Variants in PITPNM2 observed in about 807,000 individuals in gnomAD.
The protein encoded by PITPNM2 is membrane-associated phosphatidylinositol transfer protein 2.
PITPNM2 carries 35 observed loss-of-function variants against 132.2 expected under a neutral mutation model. The ratio of observed to expected loss-of-function variants is 0.26; its 90% confidence interval spans 0.20 to 0.35. The LOEUF (loss-of-function observed/expected upper bound fraction) is 0.35, where lower values mean the gene tolerates loss of function less well. Among genes scored for constraint, PITPNM2 ranks in the 10% least tolerant of loss-of-function variants. The pLI is 1.00. For synonymous variants in PITPNM2, 738 were observed against 799.2 expected (o/e 0.92, Z 1.29); for missense variants, 1,332 against 1,912.0 (o/e 0.70, Z 5.66).
rs1008621811 is a variant in PITPNM2 at position 123,082,427 on chromosome 12, A to G, written c.-96+27958T>C. 2.0e-5 allele frequency among the ~76,000 whole-genome samples: 3 copies of G among 152,078 alleles called. No homozygotes were observed. Among genetic ancestry groups the G allele is most frequent in the Admixed American group, 1.3e-4 (2 of 15,260 alleles). On this transcript the variant is annotated intron_variant, in intron 2 of 25. Coordinates refer to ENST00000320201, the MANE Select transcript of PITPNM2 (RefSeq NM_020845.3). This position sits in a 1 kb window ranked among gnomAD's most constrained non-coding sequence, Gnocchi z 5.4. The stretch of plus-strand genomic sequence containing the variant: ...TTAAAAATTGTACATGTAACATAAA[A>G]TTTACCATCTTAGCCATTTCTTTAT...
At chr12:123,046,747 G>A (rs1018221552) in intron 2 of PITPNM2, among the ~76,000 whole-genome samples, 4 of 151,902 alleles carry the variant, frequency 2.6e-5, no homozygotes, top group Non-Finnish European at 5.9e-5. Flanking sequence ...TGAGGTTCAT[G>A]TTGTAGCATT....
chr12:123,090,545 G>C (rs1190184537), intron 2 of PITPNM2: 1 of 143,614 alleles, frequency 7.0e-6, no homozygotes, highest in Non-Finnish European at 1.5e-5. Flanking sequence ...TTTTTTTTTT[G>C]TATTTTTAGT....
intron 16 of PITPNM2, chr12:122,991,797 C>T: frequency 7.7e-6 from 10 of 1,299,316 alleles, no homozygotes; most frequent in Admixed American, 3.1e-5. Flanking sequence ...CAGGTGGGCG[C>T]GGGAACAGGC....
At chr12:123,134,716 T>C (rs894492544) in intron 1 of PITPNM2, among the ~76,000 whole-genome samples, 3 of 152,140 alleles carry the variant, frequency 2.0e-5, no homozygotes, top group African/African-American at 7.2e-5. Flanking sequence ...CAAAAGCCTA[T>C]TTAACTCCAA....
At chr12:123,121,745 A>C (rs767224258) in intron 1 of PITPNM2, among the ~76,000 whole-genome samples, 1 of 151,754 alleles carries the variant, frequency 6.6e-6, no homozygotes, top group Non-Finnish European at 1.5e-5. Flanking sequence ...GGAAAGGTCT[A>C]TGTTGTCCAG....
At chr12:123,042,545 A>C (rs1407062082) in intron 2 of PITPNM2, among the ~76,000 whole-genome samples, 1 of 152,186 alleles carries the variant, frequency 6.6e-6, no homozygotes, top group Non-Finnish European at 1.5e-5. Context: ...TAAGTCTGGA[A>C]GCTACTCCAA....
Position 123,000,561 on chromosome 12 carries a change from G to C in PITPNM2, c.1224+217C>G, listed in dbSNP as rs2038615039. ...TCTCAGGGGTTGTCTGTAGTCCCTGGTTCTCGGGGACCTCAGAGACAGAGG... is the reference window on the plus strand; with the variant it reads ...TCTCAGGGGTTGTCTGTAGTCCCTGCTTCTCGGGGACCTCAGAGACAGAGG... On this transcript the variant is annotated intron_variant, in intron 10 of 25. Coordinates refer to ENST00000320201, the MANE Select transcript of PITPNM2 (RefSeq NM_020845.3). This position sits in a 1 kb window ranked among gnomAD's most constrained non-coding sequence, Gnocchi z 5.4. 1.9e-5 allele frequency: 13 copies of C among 674,938 alleles called. No individual in the cohort carries two copies. The South Asian group carries it at 2.1e-4, about 11-fold the overall frequency. The allele number at this position is 674,938 out of a possible 1,614,324, so 41.8% of individuals were successfully genotyped here. A position where few individuals can be genotyped will look rare whatever the true frequency, so the allele number is the denominator to read the frequency against.
At chr12:123,146,221 G>A (rs1033711380) in intron 1 of PITPNM2, among the ~76,000 whole-genome samples, 1 of 152,140 alleles carries the variant, frequency 6.6e-6, no homozygotes, top group Non-Finnish European at 1.5e-5. Flanking sequence ...TTTAGTACCT[G>A]AGTGATGAAA....
At chr12:123,014,068 G>A (rs1318509611) in intron 3 of PITPNM2, 26 bp from the exon 4 acceptor site, 6 of 1,612,710 alleles carry the variant, frequency 3.7e-6, no homozygotes, top group African/African-American at 1.3e-5. Flanking sequence ...CACCTGCAAT[G>A]TGTGTGGGGC....
rs909201193 is a variant in PITPNM2 at position 123,005,060 on chromosome 12, G to A, written c.952+180C>T. On this transcript the variant is annotated intron_variant, in intron 7 of 25. Transcript: ENST00000320201. This position sits in a 1 kb window ranked among gnomAD's most constrained non-coding sequence, Gnocchi z 6.2. ...GAGGGGAAGTGTTGGGGAGCCCACT[G>A]GGGCAGGGCCCAGGCTTCCCTGTGT... 1.3e-5 allele frequency among the ~76,000 whole-genome samples: 2 copies of A among 152,030 alleles called. No individual in the cohort carries two copies. Among genetic ancestry groups the A allele is most frequent in the African/African-American group, 4.8e-5 (2 of 41,382 alleles).
Position 122,996,586 on chromosome 12 carries a change from A to G in PITPNM2, c.1663-9T>C, listed in dbSNP as rs1317102650. 6 of 1,612,932 alleles carry G rather than the reference A, an allele frequency of 3.7e-6. No individual in the cohort carries two copies. The highest frequency in any genetic ancestry group is 5.1e-6 in the Non-Finnish European group (6 of 1,179,948). The stretch of plus-strand genomic sequence containing the variant: ...TCCCCAATCAGGCAGACCTTGGGAG[A>G]GAGGGGCCAGAGGCCTGAGCCATTC... On this transcript the variant is annotated splice_polypyrimidine_tract_variant and intron_variant, in intron 12 of 25. Coordinates refer to ENST00000320201, the MANE Select transcript of PITPNM2 (RefSeq NM_020845.3).
At chr12:123,017,161 G>A (rs574777471) in intron 3 of PITPNM2, among the ~76,000 whole-genome samples, 12 of 151,590 alleles carry the variant, frequency 7.9e-5, no homozygotes, top group Non-Finnish European at 1.6e-4. Flanking sequence ...ACTTGAAGTC[G>A]GGAGTTCGAC....
chr12:123,036,835 T>G lies in PITPNM2; in HGVS notation c.-95-2150A>C, dbSNP rs1345459029. Among the ~76,000 whole-genome samples the G allele has an allele frequency of 3.9e-5, 6 of 152,258 alleles. No individual in the cohort carries two copies. Among genetic ancestry groups the G allele is most frequent in the Non-Finnish European group, 5.9e-5 (4 of 67,996 alleles). On this transcript the variant is annotated intron_variant, in intron 2 of 25. Transcript: ENST00000320201. This position sits in a 1 kb window ranked among gnomAD's most constrained non-coding sequence, Gnocchi z 4.1. ...CAGGCCCTGCTATATCCATAAGGAC[T>G]CTTGCTAGGAGGGGCTTCCCCTCTC... is the stretch of plus-strand genomic sequence containing the variant.
chr12:123,068,194 A>ACAGCCGGGCG lies in PITPNM2; in HGVS notation c.-95-33510_-95-33509insCGCCCGGCTG, dbSNP rs1555294129. ...TAAAAATCCACGGGCACGGCCGGGC[A>ACAGCCGGGCG]CGGTGGCTCACGCCTGTAATCCCAG... On this transcript the variant is annotated intron_variant, in intron 2 of 25. Coordinates refer to ENST00000320201, the MANE Select transcript of PITPNM2 (RefSeq NM_020845.3). 8.2e-4 allele frequency among the ~76,000 whole-genome samples: 125 copies of ACAGCCGGGCG among 151,750 alleles called. 1 individual carries two copies. The South Asian group carries it at 0.022, about 27-fold the overall frequency.
intron 1 of PITPNM2, among the ~76,000 whole-genome samples, chr12:123,128,726 T>C (rs78857330): frequency 0.025 from 3,620 of 147,544 alleles, 187 homozygotes; most frequent in East Asian, 0.21. Context: ...CACTCCAGCC[T>C]GGGCAATACA....
intron 2 of PITPNM2, among the ~76,000 whole-genome samples, chr12:123,085,935 G>A (rs759448580): frequency 6.6e-6 from 1 of 152,156 alleles, no homozygotes. Flanking sequence ...TCTCCCTGGC[G>A]GCCAGCCAGA....
At chr12:123,101,569 A>C (rs1222473960) in intron 2 of PITPNM2, among the ~76,000 whole-genome samples, 1 of 152,200 alleles carries the variant, frequency 6.6e-6, no homozygotes, top group African/African-American at 2.4e-5. Context: ...CACAAACCTT[A>C]TTTATTTTTA....
intron 2 of PITPNM2, among the ~76,000 whole-genome samples, chr12:123,048,370 G>C (rs138887780): frequency 6.6e-6 from 1 of 151,824 alleles, no homozygotes; most frequent in East Asian, 1.9e-4. Flanking sequence ...GGGTGCTAGG[G>C]ACTTGGGGAA....
At position 123,106,687 on chromosome 12, in the gene PITPNM2, G is replaced by A. The variant is rs900085841; in HGVS notation, c.-96+3698C>T. On this transcript the variant is annotated intron_variant, in intron 2 of 25. Coordinates refer to ENST00000320201, the MANE Select transcript of PITPNM2 (RefSeq NM_020845.3). This position sits in a 1 kb window ranked among gnomAD's most constrained non-coding sequence, Gnocchi z 4.4. ...GGCATGACATGGGTCATCAGATTGTGCCCAGATCTCTACCAAGCTCTGTGG... is the reference window on the plus strand; with the variant it reads ...GGCATGACATGGGTCATCAGATTGTACCCAGATCTCTACCAAGCTCTGTGG... Among the ~76,000 whole-genome samples the A allele has an allele frequency of 1.3e-5, 2 of 152,202 alleles. No homozygotes were observed. Among genetic ancestry groups the A allele is most frequent in the Non-Finnish European group, 2.9e-5 (2 of 68,038 alleles).
Sources: allele counts gnomAD v4.1 joint callset (sites outside exome capture counted in the v4.1 genomes callset), GRCh38; gene constraint gnomAD v4.1.1; non-coding constraint Gnocchi (gnomAD v3.1); transcripts MANE v1.5; gene names NCBI Gene and HGNC (gene_info 2026-07-23, HGNC 2026-07-21).